The following SCAI variants were observed in gnomAD, a reference collection of about 807,000 sequenced individuals.
SCAI encodes the protein suppressor of cancer cell invasion.
In SCAI, 24 loss-of-function variants were observed where a neutral mutation model predicts 92.2. That is an observed-to-expected ratio of 0.26 (90% CI 0.19 to 0.37). The LOEUF is 0.37. Among genes scored for constraint, SCAI ranks in the 10% least tolerant of loss-of-function variants. The probability of loss-of-function intolerance (pLI) is 1.00; values close to 1 mark genes in which losing one functional copy is unlikely to be tolerated. For synonymous variants in SCAI, 261 were observed against 258.6 expected (o/e 1.01, Z -0.09); for missense variants, 450 against 736.2 (o/e 0.61, Z 4.50).
chr9:125,085,946 T>C (rs966080830), intron 2 of SCAI, among the ~76,000 whole-genome samples: 1 of 152,162 alleles, frequency 6.6e-6, no homozygotes, highest in African/African-American at 2.4e-5. Context: ...TGGAGGTTCA[T>C]CAAGTCTTAT....
intron 7 of SCAI, among the ~76,000 whole-genome samples, chr9:125,019,886 C>G (rs976374544): frequency 2.6e-5 from 4 of 151,714 alleles, no homozygotes; most frequent in Non-Finnish European, 1.5e-5. Context: ...CCAGCCTGGG[C>G]AACATGGTGA....
intron 2 of SCAI, among the ~76,000 whole-genome samples, chr9:125,114,458 G>C (rs1834995730): frequency 6.6e-6 from 1 of 152,018 alleles, no homozygotes; most frequent in Non-Finnish European, 1.5e-5. Flanking sequence ...CCAAGTGCTG[G>C]CAAGGAAAGA....
At chr9:124,965,989 G>C (rs1831532556) in intron 17 of SCAI, among the ~76,000 whole-genome samples, 1 of 152,216 alleles carries the variant, frequency 6.6e-6, no homozygotes, top group Non-Finnish European at 1.5e-5. Flanking sequence ...AGCAGTACTT[G>C]CAACACTTGA....
chr9:125,005,739 G>C (rs1832492566), intron 9 of SCAI, among the ~76,000 whole-genome samples: 1 of 152,130 alleles, frequency 6.6e-6, no homozygotes, highest in African/African-American at 2.4e-5. Context: ...AGAACTGGTT[G>C]GTTGGTTGGA....
chr9:125,075,183 T>C (rs2810465), intron 2 of SCAI, among the ~76,000 whole-genome samples: 150,554 of 152,268 alleles, frequency 0.99, 74,459 homozygotes, highest in Middle Eastern at 1. Flanking sequence ...TGACTCAAAG[T>C]CGCCTACTCC....
At chr9:125,074,970 T>C (rs1306808674) in intron 2 of SCAI, among the ~76,000 whole-genome samples, 1 of 152,034 alleles carries the variant, frequency 6.6e-6, no homozygotes, top group Non-Finnish European at 1.5e-5. Context: ...CACTTCAGTC[T>C]GGGCAACAAG....
intron 2 of SCAI, among the ~76,000 whole-genome samples, chr9:125,117,478 C>T (rs1835068041): frequency 6.6e-6 from 1 of 151,776 alleles, no homozygotes; most frequent in Non-Finnish European, 1.5e-5. Context: ...CCAGCCTGGC[C>T]AACATGGTGA....
chr9:125,066,456 A>ATTTTTTTTTT (rs1183338955), intron 2 of SCAI, among the ~76,000 whole-genome samples: 1 of 121,470 alleles, frequency 8.2e-6, no homozygotes, highest in African/African-American at 3.0e-5. Flanking sequence ...TATTTTATTT[A>ATTTTTTTTTT]TTTATTTATT....
rs1001503039 is a variant in SCAI, at chr9:124,951,158, A to AG, written c.*1648dup. 1 of 151,872 alleles carries AG rather than the reference A, an allele frequency of 6.6e-6. No individual in the cohort carries two copies. Among genetic ancestry groups the AG allele is most frequent in the Non-Finnish European group, 1.5e-5 (1 of 68,036 alleles). 9.4% of individuals were successfully genotyped at this position (151,872 alleles called of 1,614,324 possible). A position where few individuals can be genotyped will look rare whatever the true frequency, so the allele number is the denominator to read the frequency against. ...GTTTGAAAAATCAGCAAATCAAAGCAGGAATGGGAATAACTTAGACCCAAA... is the reference window on the plus strand; with the variant it reads ...GTTTGAAAAATCAGCAAATCAAAGCAGGGAATGGGAATAACTTAGACCCAAA... On this transcript the variant is annotated 3_prime_UTR_variant, in exon 18 of 18. Coordinates refer to ENST00000336505, the MANE Select transcript of SCAI (RefSeq NM_001144877.3).
chr9:125,029,638 A>T lies in SCAI; in HGVS notation c.326+6T>A. Reference sequence around the variant, plus strand: ...TCACTCTCCTTTAACTATAAAATTCATTTACCGATGCTGCTGCTGGAACTT... The same window carrying T: ...TCACTCTCCTTTAACTATAAAATTCTTTTACCGATGCTGCTGCTGGAACTT... On this transcript the variant is annotated splice_donor_region_variant and intron_variant, in intron 4 of 17. Transcript: ENST00000336505. 2 of 1,596,874 alleles carry T rather than the reference A, an allele frequency of 1.3e-6. No homozygotes were observed. Among genetic ancestry groups the T allele is most frequent in the Non-Finnish European group, 1.7e-6 (2 of 1,165,752 alleles).
chr9:125,042,144 C>T (rs1833327957), intron 3 of SCAI, among the ~76,000 whole-genome samples: 1 of 152,148 alleles, frequency 6.6e-6, no homozygotes, highest in Non-Finnish European at 1.5e-5. Context: ...TTATATTTCA[C>T]ATTTTGCAAA....
chr9:125,044,485 G>A lies in SCAI; in HGVS notation c.230+11391C>T, dbSNP rs1289349148. On this transcript the variant is annotated intron_variant, in intron 3 of 17. Transcript: ENST00000336505. ...ACAGGTCTCCTCTCTGCTAAGAGCT[G>A]GACACTTGCCTGGACAACCTGCTTG... is the stretch of plus-strand genomic sequence containing the variant. Among the ~76,000 whole-genome samples, 8 of 152,112 alleles carry A rather than the reference G, an allele frequency of 5.3e-5. No homozygotes were observed. The East Asian group carries it at 1.5e-3, about 29-fold the overall frequency.
At chr9:124,999,154 C>T (rs1312760899) in intron 13 of SCAI, among the ~76,000 whole-genome samples, 2 of 151,608 alleles carry the variant, frequency 1.3e-5, no homozygotes, top group Admixed American at 6.6e-5. Context: ...TTTGGGAGGC[C>T]GGGGCAGGTG....
intron 17 of SCAI, chr9:124,968,408 CCA>C: frequency 8.8e-7 from 1 of 1,137,458 alleles, no homozygotes; most frequent in Non-Finnish European, 1.3e-6. Flanking sequence ...GGGAGTACAC[CCA>C]GTTTTTCTCA....
chr9:124,974,960 T>C (rs1003607521), intron 15 of SCAI, among the ~76,000 whole-genome samples: 1 of 152,178 alleles, frequency 6.6e-6, no homozygotes, highest in South Asian at 2.1e-4. Context: ...TTCTCCTCTA[T>C]ACAATGAAGT....
chr9:125,077,187 T>G (rs1331925645), intron 2 of SCAI, among the ~76,000 whole-genome samples: 3 of 152,224 alleles, frequency 2.0e-5, no homozygotes, highest in African/African-American at 7.2e-5. Flanking sequence ...CTACATTTCA[T>G]GTTTTGTCTA....
In SCAI at chr9:124,951,814, T is replaced by C. The variant is rs1401828653; in HGVS notation, c.*993A>G. The C allele has an allele frequency of 6.6e-6, 1 of 152,194 alleles. No homozygotes were observed. Among genetic ancestry groups the C allele is most frequent in the African/African-American group, 2.4e-5 (1 of 41,454 alleles). 9.4% of individuals were successfully genotyped at this position (152,194 alleles called of 1,614,324 possible). ...AAAAATTTTGTGCATGAATATAAAA[T>C]ACTAAATACAGGGAATGTTAATAAA... On this transcript the variant is annotated 3_prime_UTR_variant, in exon 18 of 18. Coordinates refer to ENST00000336505, the MANE Select transcript of SCAI (RefSeq NM_001144877.3).
At chr9:125,070,099 T>C (rs1232208195) in intron 2 of SCAI, among the ~76,000 whole-genome samples, 6 of 152,204 alleles carry the variant, frequency 3.9e-5, no homozygotes, top group East Asian at 3.9e-4. Context: ...AATTACACTA[T>C]ACCATGAAAT....
At position 124,987,517 on chromosome 9, in the gene SCAI, CTT is replaced by C. The variant is rs1211395015; in HGVS notation, c.1326+7415_1326+7416del. Among the ~76,000 whole-genome samples, 5 of 152,262 alleles carry C rather than the reference CTT, an allele frequency of 3.3e-5. No homozygotes were observed. In the East Asian group the frequency reaches 9.7e-4, roughly 29 times the overall value. ...GCTCAGACAAGCCTGAAAAGCTACTCTTTCTCTACGTGGGAAAGAGCATGGGC... is the reference window on the plus strand; with the variant it reads ...GCTCAGACAAGCCTGAAAAGCTACTCTCTCTACGTGGGAAAGAGCATGGGC... On this transcript the variant is annotated intron_variant, in intron 14 of 17. Coordinates refer to ENST00000336505, the MANE Select transcript of SCAI (RefSeq NM_001144877.3).
Sources: allele counts gnomAD v4.1 joint callset (sites outside exome capture counted in the v4.1 genomes callset), GRCh38; gene constraint gnomAD v4.1.1; transcripts MANE v1.5; gene names NCBI Gene and HGNC (gene_info 2026-07-23, HGNC 2026-07-21).